PCDH15: variants seen among roughly 807,000 people sequenced by gnomAD.
PCDH15 encodes protocadherin-15.
PCDH15 carries 129 observed loss-of-function variants against 178.5 expected under a neutral mutation model. The observed-to-expected ratio is 0.72, with a 90% confidence interval of 0.63 to 0.84. PCDH15 has a LOEUF of 0.84. Among genes scored for constraint, PCDH15 ranks in the 40% least tolerant of loss-of-function variants. The probability of loss-of-function intolerance (pLI) is 0.00; values close to 1 mark genes in which losing one functional copy is unlikely to be tolerated. For synonymous variants in PCDH15, 800 were observed against 732.0 expected, an observed-to-expected ratio of 1.09 and a Z score of -1.50; for missense variants, 2,230 against 2,099.9, an observed-to-expected ratio of 1.06 and a Z score of -1.21.
intron 8 of PCDH15, among the ~76,000 whole-genome samples, chr10:54,284,555 G>A (rs912656523): frequency 3.3e-5 from 5 of 152,160 alleles, no homozygotes; most frequent in Non-Finnish European, 7.3e-5. Flanking sequence ...TGATACCTAA[G>A]TCATCACCTT....
intron 1 of PCDH15, among the ~76,000 whole-genome samples, chr10:54,790,630 A>T (rs977606045): frequency 2.0e-5 from 3 of 151,828 alleles, no homozygotes; most frequent in African/African-American, 7.3e-5. Flanking sequence ...CCTGGCCCCA[A>T]GGTCCTGTTG....
At chr10:55,509,793 C>T (rs1041402006) in intron 2 of PCDH15, among the ~76,000 whole-genome samples, 6 of 151,822 alleles carry the variant, frequency 4.0e-5, no homozygotes, top group African/African-American at 9.7e-5. Flanking sequence ...GTAAGTTATA[C>T]GTCAGCAACA....
At chr10:54,760,282 C>G (rs1157391038) in intron 1 of PCDH15, among the ~76,000 whole-genome samples, 1 of 152,114 alleles carries the variant, frequency 6.6e-6, no homozygotes, top group Non-Finnish European at 1.5e-5. Context: ...TTTAATTTAC[C>G]TCACTAGTTC....
At chr10:55,460,773 T>C (rs775182168) in intron 2 of PCDH15, among the ~76,000 whole-genome samples, 9 of 152,114 alleles carry the variant, frequency 5.9e-5, no homozygotes, top group Non-Finnish European at 8.8e-5. Context: ...TCTTGAATTG[T>C]ATGCCAGACA....
At chr10:55,035,810 G>C (rs1041745427) in intron 2 of PCDH15, among the ~76,000 whole-genome samples, 4 of 152,054 alleles carry the variant, frequency 2.6e-5, no homozygotes, top group African/African-American at 4.8e-5. Flanking sequence ...AAATAGAAGA[G>C]AAAAATGCTC....
At chr10:54,028,014 A>G in intron 18 of PCDH15, among the ~76,000 whole-genome samples, 1 of 150,786 alleles carries the variant, frequency 6.6e-6, no homozygotes, top group East Asian at 1.9e-4. Flanking sequence ...AACCCACACA[A>G]TGGGAGAAAA....
intron 26 of PCDH15, among the ~76,000 whole-genome samples, chr10:53,888,282 C>CTATATATATATATATA (rs201647527): frequency 0.32 from 29,811 of 94,268 alleles, 5,847 homozygotes; most frequent in Middle Eastern, 0.51. Flanking sequence ...CATTCCAACA[C>CTATATATATATATATA]TATATATACA....
chr10:54,748,897 G>A (rs893352531), intron 1 of PCDH15, among the ~76,000 whole-genome samples: 8 of 152,150 alleles, frequency 5.3e-5, no homozygotes, highest in African/African-American at 1.7e-4. Context: ...CCTTGCCCTG[G>A]CAGTGGATTT....
At position 54,018,324 on chromosome 10, in the gene PCDH15, G is replaced by A. The variant is rs969775390; in HGVS notation, c.2751+1868C>T. Among the ~76,000 whole-genome samples, 17 of 152,152 alleles carry A rather than the reference G, an allele frequency of 1.1e-4. 1 individual carries two copies. In the South Asian group the frequency reaches 1.5e-3, roughly 13 times the overall value. On this transcript the variant is annotated intron_variant, in intron 20 of 37. Transcript: ENST00000644397. Reference sequence around the variant, plus strand: ...TAAAGAAAAAGGGAGTAATCCTCAGGAACTTTTATTTTTAGGAATAAATGT... The same window carrying A: ...TAAAGAAAAAGGGAGTAATCCTCAGAAACTTTTATTTTTAGGAATAAATGT...
intron 2 of PCDH15, among the ~76,000 whole-genome samples, chr10:55,434,212 C>A (rs565169535): frequency 6.6e-6 from 1 of 150,582 alleles, no homozygotes; most frequent in South Asian, 2.1e-4. Flanking sequence ...TCCCTACAGG[C>A]GCCTGCCGCC....
intron 3 of PCDH15, among the ~76,000 whole-genome samples, chr10:54,491,619 T>G (rs1302151302): frequency 1.3e-5 from 2 of 152,172 alleles, no homozygotes; most frequent in African/African-American, 4.8e-5. Context: ...GACAATTTCT[T>G]GTAGTTGGAA....
intron 1 of PCDH15, among the ~76,000 whole-genome samples, chr10:54,717,244 G>A (rs1661538774): frequency 3.3e-5 from 4 of 121,880 alleles, no homozygotes; most frequent in African/African-American, 1.3e-4. Context: ...GGCAACAAAA[G>A]ACAAAATTGA....
At chr10:55,531,296 A>G (rs1841449627) in intron 2 of PCDH15, among the ~76,000 whole-genome samples, 1 of 151,866 alleles carries the variant, frequency 6.6e-6, no homozygotes, top group Admixed American at 6.6e-5. Flanking sequence ...ACACATTATG[A>G]TCAAGTGTTA....
At chr10:54,252,731 G>A (rs778992861) in intron 8 of PCDH15, among the ~76,000 whole-genome samples, 2 of 151,546 alleles carry the variant, frequency 1.3e-5, no homozygotes, top group Non-Finnish European at 2.9e-5. Flanking sequence ...TATCAGATTA[G>A]ACCAATTAAT....
chr10:54,260,831 G>T (rs1196247437), intron 8 of PCDH15, among the ~76,000 whole-genome samples: 1 of 152,042 alleles, frequency 6.6e-6, no homozygotes, highest in Admixed American at 6.5e-5. Flanking sequence ...CGGGGTTTGG[G>T]CATTTTGGCC....
intron 3 of PCDH15, among the ~76,000 whole-genome samples, chr10:54,394,323 T>C (rs1950927812): frequency 6.6e-6 from 1 of 151,872 alleles, no homozygotes. Context: ...TAGGTTCTTT[T>C]CTGTTTTTCC....
intron 1 of PCDH15, among the ~76,000 whole-genome samples, chr10:54,733,326 A>C (rs1943658609): frequency 6.6e-6 from 1 of 151,622 alleles, no homozygotes; most frequent in Non-Finnish European, 1.5e-5. Flanking sequence ...TCTGAATGTT[A>C]ACAATGAACA....
At chr10:53,829,522 C>T (rs1468165628) in intron 30 of PCDH15, among the ~76,000 whole-genome samples, 1 of 152,108 alleles carries the variant, frequency 6.6e-6, no homozygotes, top group Non-Finnish European at 1.5e-5. Context: ...ATGGATTTAA[C>T]ATTATAATTA....
upstream of PCDH15, among the ~76,000 whole-genome samples, chr10:55,321,292 C>A (rs1004323006): frequency 6.6e-6 from 1 of 151,916 alleles, no homozygotes; most frequent in African/African-American, 2.4e-5. Context: ...CACAGACAAA[C>A]ATTTTTAAAA....
Sources: allele counts gnomAD v4.1 joint callset (sites outside exome capture counted in the v4.1 genomes callset), GRCh38; gene constraint gnomAD v4.1.1; transcripts MANE v1.5; gene names NCBI Gene and HGNC (gene_info 2026-07-23, HGNC 2026-07-21).